The following ZNF608 variants were observed in gnomAD, a reference collection of about 807,000 sequenced individuals.
The protein encoded by ZNF608 is renal carcinoma antigen NY-REN-36.
A neutral mutation model predicts 109.0 loss-of-function variants in ZNF608; 12 were observed. The observed-to-expected ratio is 0.11, with a 90% CI of 0.07 to 0.18. ZNF608 has a LOEUF of 0.18. Ranked by LOEUF, ZNF608 falls within the 10% of genes least tolerant of loss-of-function variation. ZNF608 has a pLI of 1.00. For synonymous variants in ZNF608, 732 were observed against 717.4 expected, an observed-to-expected ratio of 1.02 and a Z score of -0.33; for missense variants, 1,707 against 1,879.3, an observed-to-expected ratio of 0.91 and a Z score of 1.70.
chr5:124,678,292 C>A (rs1401920873), intron 3 of ZNF608, among the ~76,000 whole-genome samples: 1 of 152,194 alleles, frequency 6.6e-6, no homozygotes, highest in South Asian at 2.1e-4. Context: ...ACTCTCAGTA[C>A]CCAAAGGCCT....
At chr5:124,666,740 T>A (rs1751498778) in intron 3 of ZNF608, among the ~76,000 whole-genome samples, 1 of 151,188 alleles carries the variant, frequency 6.6e-6, no homozygotes, top group Admixed American at 6.6e-5. Context: ...TGTGTGTGTG[T>A]GTGTGTGTGT....
Position 124,646,852 on chromosome 5 carries a change from C to T in ZNF608, c.3532G>A (p.Glu1178Lys). 1 of 1,614,224 alleles carries T rather than the reference C, an allele frequency of 6.2e-7. No individual in the cohort carries two copies. ...KLGPSVPNKT[E>K]ETGKSQLLSN... ...AGAAGCTGCGATTTACCTGTCTCCTCAGTTTTATTAGGCACTGATGGCCCT... is the reference window on the plus strand; with the variant it reads ...AGAAGCTGCGATTTACCTGTCTCCTTAGTTTTATTAGGCACTGATGGCCCT... Residue 1178 changes from glutamate (E) to lysine (K), a missense_variant, in exon 5 of 10, where the codon GAG (glutamate) becomes AAG (lysine). This residue lies in a region of ZNF608 where 1,073 missense variants were observed against 1,133.5 expected (regional missense o/e 0.95). Transcript: ENST00000513986.
At chr5:124,667,648 GTTTAA>G (rs1308850732) in intron 3 of ZNF608, among the ~76,000 whole-genome samples, 1 of 150,804 alleles carries the variant, frequency 6.6e-6, no homozygotes, top group Non-Finnish European at 1.5e-5. Flanking sequence ...CCTTTTGTTT[GTTTAA>G]TTTAACAAGT....
At chr5:124,711,407 G>A (rs1753483576) in intron 2 of ZNF608, among the ~76,000 whole-genome samples, 1 of 152,294 alleles carries the variant, frequency 6.6e-6, no homozygotes, top group Non-Finnish European at 1.5e-5. Context: ...ACTTTTTAAT[G>A]AAAAGATGCT....
chr5:124,695,124 T>C (rs1016606543), intron 3 of ZNF608, among the ~76,000 whole-genome samples: 32 of 152,290 alleles, frequency 2.1e-4, no homozygotes, highest in African/African-American at 7.0e-4. Context: ...GCATGCCCAC[T>C]AGACATCTCA....
At chr5:124,696,407 C>A (rs1363510662) in intron 3 of ZNF608, among the ~76,000 whole-genome samples, 1 of 152,072 alleles carries the variant, frequency 6.6e-6, no homozygotes, top group Admixed American at 6.6e-5. Context: ...TTTTCATTGC[C>A]CGCCAAAAAC....
chr5:124,653,986 C>T (rs180954967), intron 3 of ZNF608, among the ~76,000 whole-genome samples: 2 of 152,252 alleles, frequency 1.3e-5, no homozygotes, highest in African/African-American at 4.8e-5. Context: ...CCAGCACTCC[C>T]CCAGGATTGC....
chr5:124,727,459 A>T (rs970723079), intron 2 of ZNF608, among the ~76,000 whole-genome samples: 1 of 152,118 alleles, frequency 6.6e-6, no homozygotes, highest in Admixed American at 6.5e-5. Flanking sequence ...TTCATTGGGT[A>T]TGTTAGAAAT....
At chr5:124,655,545 A>C (rs1750968989) in intron 3 of ZNF608, among the ~76,000 whole-genome samples, 1 of 152,216 alleles carries the variant, frequency 6.6e-6, no homozygotes, top group Non-Finnish European at 1.5e-5. Flanking sequence ...TATGCCTTTA[A>C]AAAAGAAAGT....
chr5:124,713,284 G>A (rs1338116457), intron 2 of ZNF608, among the ~76,000 whole-genome samples: 2 of 152,140 alleles, frequency 1.3e-5, no homozygotes, highest in African/African-American at 4.8e-5. Context: ...GAATATCCAG[G>A]GCAAGTAACC....
At chr5:124,700,512 GTCTTTGGCC>G (rs1753009323) in intron 3 of ZNF608, among the ~76,000 whole-genome samples, 1 of 152,212 alleles carries the variant, frequency 6.6e-6, no homozygotes, top group African/African-American at 2.4e-5. Flanking sequence ...TAGGGCTTAA[GTCTTTGGCC>G]CTGGCCTCAT....
At position 124,670,664 on chromosome 5, in the gene ZNF608, C is replaced by T. The variant is rs114822254; in HGVS notation, c.1163-20967G>A. ...CACTTTTCATTAAGTTTATCAAAGG[C>T]CCTTTCTTTTCTTTTAAAACTATAA... On this transcript the variant is annotated intron_variant, in intron 3 of 9. Transcript: ENST00000513986. Among the ~76,000 whole-genome samples the T allele has an allele frequency of 2.9e-3, 436 of 152,186 alleles. 3 individuals carry two copies. The highest frequency in any genetic ancestry group is 8.7e-3 in the African/African-American group (362 of 41,496).
intron 2 of ZNF608, among the ~76,000 whole-genome samples, chr5:124,721,971 A>AAAAAAAAAC (rs1463656704): frequency 6.9e-6 from 1 of 145,670 alleles, no homozygotes; most frequent in African/African-American, 2.5e-5. Context: ...AAAAAAAAAA[A>AAAAAAAAAC]AGAACTCAAA....
intron 3 of ZNF608, among the ~76,000 whole-genome samples, chr5:124,675,761 C>T (rs970206215): frequency 5.3e-5 from 8 of 152,194 alleles, no homozygotes; most frequent in South Asian, 2.1e-4. Context: ...TGCCCCCTCA[C>T]GGCGTTAGGC....
chr5:124,696,811 T>TG (rs769749520), intron 3 of ZNF608, among the ~76,000 whole-genome samples: 4 of 152,214 alleles, frequency 2.6e-5, no homozygotes, highest in Non-Finnish European at 5.9e-5. Flanking sequence ...ATAATACATG[T>TG]GTCTTCCTTA....
intron 6 of ZNF608, 91 bp downstream of exon 6, chr5:124,644,153 C>G: frequency 8.3e-7 from 1 of 1,201,196 alleles, no homozygotes; most frequent in Admixed American, 2.7e-5. Flanking sequence ...AAATGTCACT[C>G]TTGAAGCTTC....
At chr5:124,743,602 A>T (rs1450528956) in intron 2 of ZNF608, among the ~76,000 whole-genome samples, 1 of 152,230 alleles carries the variant, frequency 6.6e-6, no homozygotes, top group Non-Finnish European at 1.5e-5. Flanking sequence ...AATCCTCGAC[A>T]TTCCTCTCCA....
chr5:124,693,250 C>T (rs1752689579), intron 3 of ZNF608, among the ~76,000 whole-genome samples: 1 of 152,136 alleles, frequency 6.6e-6, no homozygotes, highest in South Asian at 2.1e-4. Flanking sequence ...ACAAGCTATT[C>T]TTTGCAGCCA....
chr5:124,703,880 C>A (rs1386490904), intron 2 of ZNF608, among the ~76,000 whole-genome samples: 3 of 152,148 alleles, frequency 2.0e-5, no homozygotes, highest in African/African-American at 7.2e-5. Context: ...ATAACTCCAT[C>A]TATAGATATA....
Sources: allele counts gnomAD v4.1 joint callset (sites outside exome capture counted in the v4.1 genomes callset), GRCh38; gene constraint gnomAD v4.1.1; regional missense constraint gnomAD v4.1.1; transcripts MANE v1.5; gene names NCBI Gene and HGNC (gene_info 2026-07-23, HGNC 2026-07-21).